The following ALDH5A1 variants were observed in gnomAD, a reference collection of about 807,000 sequenced individuals.
The protein encoded by ALDH5A1 is aldehyde dehydrogenase 5 family member A1, also known as succinate-semialdehyde dehydrogenase, mitochondrial.
A neutral mutation model predicts 54.7 loss-of-function variants in ALDH5A1; 33 were observed. The ratio of observed to expected loss-of-function variants is 0.60; its 90% CI spans 0.46 to 0.81. The LOEUF (loss-of-function observed/expected upper bound fraction) is 0.81, where lower values mean the gene tolerates loss of function less well. ALDH5A1 is among the 30% of genes least tolerant of loss of function. The pLI is 0.00. For missense variants in ALDH5A1, 657 were observed against 711.0 expected, an observed-to-expected ratio of 0.92 and a Z score of 0.86; for synonymous variants, 294 against 292.7, an observed-to-expected ratio of 1.00 and a Z score of -0.05.
intron 6 of ALDH5A1, 26 bp from the exon 7 acceptor site, chr6:24,522,741 T>C: frequency 6.2e-7 from 1 of 1,612,928 alleles, no homozygotes; most frequent in African/African-American, 1.3e-5. Context: ...ACAGACTGTG[T>C]GGGTTTGTTT....
In ALDH5A1 at chr6:24,512,172, G is replaced by A. The variant is rs60952061; in HGVS notation, c.727-2995G>A. Among the ~76,000 whole-genome samples the A allele has an allele frequency of 1.4e-4, 22 of 152,324 alleles. No homozygotes were observed. In the East Asian group the frequency reaches 3.9e-3, roughly 27 times the overall value. On this transcript the variant is annotated intron_variant, in intron 4 of 9. Coordinates refer to ENST00000357578, the MANE Select transcript of ALDH5A1 (RefSeq NM_001080.3). Reference sequence around the variant, plus strand: ...CTGAGGGTTGTCCGCACAGAGTCCTGTGATGTGAACCATCTGTGGGTCTCT... The same window carrying A: ...CTGAGGGTTGTCCGCACAGAGTCCTATGATGTGAACCATCTGTGGGTCTCT...
intron 8 of ALDH5A1, 102 bp downstream of exon 8, chr6:24,528,268 C>A: frequency 7.1e-7 from 1 of 1,401,294 alleles, no homozygotes; most frequent in Non-Finnish European, 9.9e-7. Context: ...GGCCAGGAGG[C>A]AGACAGTTGT....
rs1172897924 is a variant in ALDH5A1, at chr6:24,536,997, T to C, written c.*3285T>C. Reference sequence around the variant, plus strand: ...GCAGCTATTTTAAATAGCATTTTACTTGAATAATATGTATGTTGTCATTGT... The same window carrying C: ...GCAGCTATTTTAAATAGCATTTTACCTGAATAATATGTATGTTGTCATTGT... On this transcript the variant is annotated 3_prime_UTR_variant, in exon 10 of 10. Coordinates refer to ENST00000357578, the MANE Select transcript of ALDH5A1 (RefSeq NM_001080.3). 2 of 152,680 alleles carry C rather than the reference T, an allele frequency of 1.3e-5. No homozygotes were observed. The highest frequency in any genetic ancestry group is 2.4e-5 in the African/African-American group (1 of 41,476). 9.5% of individuals were successfully genotyped at this position (152,680 alleles called of 1,614,324 possible).
chr6:24,528,226 C>T, intron 8 of ALDH5A1, 60 bp downstream of exon 8: 1 of 1,600,968 alleles, frequency 6.2e-7, no homozygotes. Flanking sequence ...ATAGGAAACC[C>T]TGAAAGAGAT....
chr6:24,531,238 G>C (rs1177336363), intron 8 of ALDH5A1, among the ~76,000 whole-genome samples: 1 of 152,076 alleles, frequency 6.6e-6, no homozygotes, highest in Non-Finnish European at 1.5e-5. Flanking sequence ...TTCCACTGTT[G>C]GGGAAATGGA....
rs946732009 is a variant in ALDH5A1, at chr6:24,533,757, A to T, written c.*45A>T. 6.5e-7 allele frequency: 1 copy of T among 1,534,668 alleles called. No homozygotes were observed. The highest frequency in any genetic ancestry group is 1.4e-5 in the African/African-American group (1 of 73,078). On this transcript the variant is annotated 3_prime_UTR_variant, in exon 10 of 10. Coordinates refer to ENST00000357578, the MANE Select transcript of ALDH5A1 (RefSeq NM_001080.3). ...AAAATTTAAAAGGAGACTTATCTACATATATAGGTACATGCCATCCATTAT... is the reference window on the plus strand; with the variant it reads ...AAAATTTAAAAGGAGACTTATCTACTTATATAGGTACATGCCATCCATTAT...
At position 24,533,608 on chromosome 6, in the gene ALDH5A1, T is replaced by G; in HGVS notation, c.1504T>G (p.Cys502Gly). 1 of 1,614,012 alleles carries G rather than the reference T, an allele frequency of 6.2e-7. No homozygotes were observed. The highest frequency in any genetic ancestry group is 8.5e-7 in the Non-Finnish European group (1 of 1,179,990). ...CGAAGGATTAATTTCCTCTGTGGAG[T>G]GCCCTTTTGGTGGAGTGAAGCAGTC... is the stretch of plus-strand genomic sequence containing the variant. ...VNEGLISSVE[C>G]PFGGVKQSGL... Residue 502 changes from cysteine (C) to glycine (G), a missense_variant, in exon 10 of 10, where the codon TGC becomes GGC. By Grantham distance (159) the Cys-to-Gly change is radical (BLOSUM62 -3). Around this residue, in one of 2 missense-constraint regions of ALDH5A1, gnomAD observed 425 missense variants for 516.4 expected, o/e 0.82. Transcript: ENST00000357578.
At position 24,518,588 on chromosome 6, in the gene ALDH5A1, TTAAA is replaced by T. The variant is rs1435556909; in HGVS notation, c.871-1810_871-1807del. On this transcript the variant is annotated intron_variant, in intron 5 of 9. Coordinates refer to ENST00000357578, the MANE Select transcript of ALDH5A1 (RefSeq NM_001080.3). This position sits in a 1 kb window ranked among gnomAD's most constrained non-coding sequence, Gnocchi z 4.2. ...TTTTAAATAAAAACATAAAAAAAGT[TTAAA>T]TAGTTATGTTGCGTCCGATAAAGAA... Among the ~76,000 whole-genome samples, 3 of 152,156 alleles carry T rather than the reference TTAAA, an allele frequency of 2.0e-5. No individual in the cohort carries two copies. The highest frequency in any genetic ancestry group is 7.2e-5 in the African/African-American group (3 of 41,448).
rs76935243 is a variant in ALDH5A1 at position 24,523,680 on chromosome 6, T to C, written c.1173+755T>C. Among the ~76,000 whole-genome samples, 1,252 of 152,318 alleles carry C rather than the reference T, an allele frequency of 8.2e-3. 16 individuals are homozygous for C. Among genetic ancestry groups the C allele is most frequent in the African/African-American group, 0.028 (1,158 of 41,580 alleles). ...ATGGAAGACTGGCTTGGTTTTGAGA[T>C]GGTTTGCGTTTCGGCTGTAATGCTG... On this transcript the variant is annotated intron_variant, in intron 7 of 9. Coordinates refer to ENST00000357578, the MANE Select transcript of ALDH5A1 (RefSeq NM_001080.3).
intron 7 of ALDH5A1, among the ~76,000 whole-genome samples, chr6:24,524,170 G>A (rs1759759114): frequency 6.6e-6 from 1 of 151,928 alleles, no homozygotes; most frequent in Non-Finnish European, 1.5e-5. Context: ...ATTTTTAGTA[G>A]TGCTGGGGTT....
At chr6:24,530,707 G>A (rs1689228347) in intron 8 of ALDH5A1, among the ~76,000 whole-genome samples, 1 of 152,246 alleles carries the variant, frequency 6.6e-6, no homozygotes, top group South Asian at 2.1e-4. Flanking sequence ...ATAGGTTGGG[G>A]AGAAGAGGCT....
chr6:24,516,158 C>T (rs990628427), intron 5 of ALDH5A1, among the ~76,000 whole-genome samples: 6 of 151,888 alleles, frequency 4.0e-5, no homozygotes, highest in Non-Finnish European at 7.4e-5. Flanking sequence ...AAAAGAGGGC[C>T]GGGCGCGGTG....
rs1175569267 is a variant in ALDH5A1, at chr6:24,537,146, C to G, written c.*3434C>G. On this transcript the variant is annotated 3_prime_UTR_variant, in exon 10 of 10. Coordinates refer to ENST00000357578, the MANE Select transcript of ALDH5A1 (RefSeq NM_001080.3). ...TTTTGACAATTGTGTGTTTTAGTGT[C>G]TAGTCTGCAGAGAGCTGTGTGATTA... 1 of 152,544 alleles carries G rather than the reference C, an allele frequency of 6.6e-6. No individual in the cohort carries two copies. Among genetic ancestry groups the G allele is most frequent in the Non-Finnish European group, 1.5e-5 (1 of 68,022 alleles). 9.4% of individuals were successfully genotyped at this position (152,544 alleles called of 1,614,324 possible).
intron 4 of ALDH5A1, among the ~76,000 whole-genome samples, chr6:24,505,576 C>T (rs1442282841): frequency 1.3e-5 from 2 of 152,162 alleles, no homozygotes; most frequent in Non-Finnish European, 2.9e-5. Flanking sequence ...TTCCCTCTGT[C>T]TGGAGCAGTC....
chr6:24,525,460 A>G (rs1759781556), intron 7 of ALDH5A1, among the ~76,000 whole-genome samples: 1 of 152,014 alleles, frequency 6.6e-6, no homozygotes, highest in Non-Finnish European at 1.5e-5. Context: ...GCATTTGGGA[A>G]GCTGAGGCGG....
At position 24,504,938 on chromosome 6, in the gene ALDH5A1, G is replaced by GTGAA. The variant is rs1292916697; in HGVS notation, c.680_683dup (p.Lys228AsnfsTer16). 1 of 1,614,096 alleles carries GTGAA rather than the reference G, an allele frequency of 6.2e-7. No individual in the cohort carries two copies. The highest frequency in any genetic ancestry group is 2.2e-5 in the East Asian group (1 of 44,898). ...CCTGGCAGCCGGCTGTACTGTCGTG[G>GTGAA]TGAAGCCTGCCGAAGACACGCCCTT... On this transcript the variant is annotated frameshift_variant, in exon 4 of 10. Coordinates refer to ENST00000357578, the MANE Select transcript of ALDH5A1 (RefSeq NM_001080.3). LOFTEE classifies it high-confidence loss of function.
At chr6:24,502,159 A>G (rs1764834108) in intron 1 of ALDH5A1, among the ~76,000 whole-genome samples, 1 of 152,132 alleles carries the variant, frequency 6.6e-6, no homozygotes, top group South Asian at 2.1e-4. Flanking sequence ...CTGGTGTCTG[A>G]CAACAGGAGG....
rs757308923 is a variant in ALDH5A1 at position 24,535,969 on chromosome 6, G to A, written c.*2257G>A. ...AATTTTGAGTCTTCTTGCATATTTG[G>A]CTCATGGGTTCATAAATTGAGGCCA... On this transcript the variant is annotated 3_prime_UTR_variant, in exon 10 of 10. Coordinates refer to ENST00000357578, the MANE Select transcript of ALDH5A1 (RefSeq NM_001080.3). 6.6e-6 allele frequency: 1 copy of A among 152,122 alleles called. No homozygotes were observed. The highest frequency in any genetic ancestry group is 1.5e-5 in the Non-Finnish European group (1 of 68,028). 9.4% of individuals were successfully genotyped at this position (152,122 alleles called of 1,614,324 possible).
intron 4 of ALDH5A1, among the ~76,000 whole-genome samples, chr6:24,513,061 CTTA>C (rs1015377663): frequency 6.6e-6 from 1 of 151,354 alleles, no homozygotes; most frequent in Non-Finnish European, 1.5e-5. Context: ...TATTCTACTT[CTTA>C]TTATTTTTTC....
Sources: allele counts gnomAD v4.1 joint callset (sites outside exome capture counted in the v4.1 genomes callset), GRCh38; gene constraint gnomAD v4.1.1; regional missense constraint gnomAD v4.1.1; non-coding constraint Gnocchi (gnomAD v3.1); transcripts MANE v1.5; gene names NCBI Gene and HGNC (gene_info 2026-07-23, HGNC 2026-07-21).